PLBD1: variants seen among roughly 807,000 people sequenced by gnomAD.
PLBD1 encodes lysosomal leucine aminopeptidase.
Under a neutral mutation model 63.0 loss-of-function variants are expected in PLBD1, and 60 were observed. That is an observed-to-expected ratio of 0.95 (90% CI 0.77 to 1.18). The LOEUF (loss-of-function observed/expected upper bound fraction) is 1.18. Among genes scored for constraint, PLBD1 ranks in the 50% most tolerant of loss-of-function variants. The pLI is 0.00. For synonymous variants in PLBD1, 262 were observed against 248.0 expected, an observed-to-expected ratio of 1.06 and a Z score of -0.53; for missense variants, 598 against 677.9, an observed-to-expected ratio of 0.88 and a Z score of 1.31.
intron 9 of PLBD1, 111 bp downstream of exon 9, chr12:14,506,822 T>A (rs1945259597): frequency 3.2e-6 from 3 of 926,656 alleles, no homozygotes; most frequent in Non-Finnish European, 4.7e-6. Flanking sequence ...AATACTTAAA[T>A]AACTTCTTAT....
chr12:14,549,531 T>C (rs925267614), intron 2 of PLBD1, among the ~76,000 whole-genome samples: 1 of 152,116 alleles, frequency 6.6e-6, no homozygotes, highest in African/African-American at 2.4e-5. Context: ...TTAAGAAACC[T>C]CGGGCACTCT....
chr12:14,547,146 C>T (rs1945622117), intron 2 of PLBD1, among the ~76,000 whole-genome samples: 1 of 150,184 alleles, frequency 6.7e-6, no homozygotes, highest in African/African-American at 2.5e-5. Context: ...TCCCAAAGTG[C>T]TGGGATTACA....
intron 6 of PLBD1, 60 bp from the exon 7 acceptor site, chr12:14,511,771 T>C (rs1212600958): frequency 6.7e-7 from 1 of 1,494,202 alleles, no homozygotes; most frequent in Non-Finnish European, 9.3e-7. Flanking sequence ...GAACCATCAT[T>C]ATTGACAAAG....
chr12:14,564,996 T>C (rs1945769458), intron 1 of PLBD1, among the ~76,000 whole-genome samples: 1 of 152,212 alleles, frequency 6.6e-6, no homozygotes, highest in South Asian at 2.1e-4. Flanking sequence ...GAAAAAATTA[T>C]ATAAGGACCT....
chr12:14,553,161 G>A, intron 2 of PLBD1, 32 bp downstream of exon 2: 1 of 1,564,444 alleles, frequency 6.4e-7, no homozygotes, highest in Non-Finnish European at 8.7e-7. Flanking sequence ...GGGGTTGCCT[G>A]GCAGTGGCTC....
At chr12:14,538,164 C>A (rs537853850) in intron 4 of PLBD1, among the ~76,000 whole-genome samples, 8 of 151,034 alleles carry the variant, frequency 5.3e-5, no homozygotes, top group Non-Finnish European at 1.0e-4. Context: ...TAAAAATTGT[C>A]CTCACTCTTC....
At chr12:14,557,206 G>T (rs546355588) in intron 1 of PLBD1, among the ~76,000 whole-genome samples, 1 of 152,200 alleles carries the variant, frequency 6.6e-6, no homozygotes, top group South Asian at 2.1e-4. Context: ...AAAAAGGAAT[G>T]CTTATACACT....
chr12:14,523,609 T>A (rs1013614107), intron 6 of PLBD1, among the ~76,000 whole-genome samples: 8 of 152,160 alleles, frequency 5.3e-5, no homozygotes, highest in African/African-American at 1.9e-4. Context: ...CAAAACAGCA[T>A]AGTACTGGCA....
rs75740122 is a variant in PLBD1 at position 14,567,242 on chromosome 12, A to G, written c.115+340T>C. 3.4e-3 allele frequency among the ~76,000 whole-genome samples: 524 copies of G among 152,340 alleles called. 4 individuals are homozygous for G. Among genetic ancestry groups the G allele is most frequent in the Non-Finnish European group, 6.4e-3 (438 of 68,016 alleles). ...CAAGCCGGAACCATACCTCCCTACA[A>G]TCTGGATAAATATATTTAGATGCCC... On this transcript the variant is annotated intron_variant, in intron 1 of 10. Transcript: ENST00000240617.
chr12:14,542,530 A>T (rs1413702065), intron 2 of PLBD1, among the ~76,000 whole-genome samples: 1 of 152,138 alleles, frequency 6.6e-6, no homozygotes, highest in East Asian at 1.9e-4. Flanking sequence ...AAGTTATTAT[A>T]TTTTGCCATA....
In PLBD1 at chr12:14,567,646, CGGT is replaced by C. The variant is rs1331327130; in HGVS notation, c.48_50del (p.Pro17del). 1 of 1,495,676 alleles carries C rather than the reference CGGT, an allele frequency of 6.7e-7. No individual in the cohort carries two copies. The highest frequency in any genetic ancestry group is 1.5e-5 in the African/African-American group (1 of 68,910). 92.7% of individuals were successfully genotyped at this position (1,495,676 alleles called of 1,614,324 possible). A position where few individuals can be genotyped will look rare whatever the true frequency, so the allele number is the denominator to read the frequency against. ...GCAGCAGCAGCAGCAGCAGCAGAAG[CGGT>C]GGCGGCTGTGGCAGCCCCGGGCGCC... On this transcript the variant is annotated inframe_deletion, in exon 1 of 11. Coordinates refer to ENST00000240617, the MANE Select transcript of PLBD1 (RefSeq NM_024829.6).
chr12:14,507,733 C>A (rs964884731), intron 8 of PLBD1, among the ~76,000 whole-genome samples: 1 of 152,174 alleles, frequency 6.6e-6, no homozygotes, highest in Non-Finnish European at 1.5e-5. Flanking sequence ...TTTTAGGTTA[C>A]ATTAGGCTTT....
intron 1 of PLBD1, among the ~76,000 whole-genome samples, chr12:14,556,303 T>C (rs1168954037): frequency 6.6e-6 from 1 of 152,190 alleles, no homozygotes; most frequent in Non-Finnish European, 1.5e-5. Context: ...ATTAAGAGGC[T>C]AGAAAGTTTT....
chr12:14,540,950 C>G (rs2059125950), intron 3 of PLBD1, 48 bp from the exon 4 acceptor site: 1 of 1,514,698 alleles, frequency 6.6e-7, no homozygotes, highest in Non-Finnish European at 9.0e-7. Flanking sequence ...GTTGCTCATT[C>G]AAAGCTAAAT....
chr12:14,511,150 T>TGCC, intron 8 of PLBD1, 110 bp downstream of exon 8: 1 of 1,095,384 alleles, frequency 9.1e-7, no homozygotes, highest in Non-Finnish European at 1.3e-6. Flanking sequence ...CATCCTGTCT[T>TGCC]CCCCACCATA....
intron 6 of PLBD1, among the ~76,000 whole-genome samples, chr12:14,516,060 G>A (rs1317934199): frequency 6.7e-6 from 1 of 149,930 alleles, no homozygotes; most frequent in South Asian, 2.1e-4. Context: ...GCCGGGCACG[G>A]TGGCTCACGC....
At chr12:14,544,516 A>G (rs529899820) in intron 2 of PLBD1, among the ~76,000 whole-genome samples, 15 of 152,234 alleles carry the variant, frequency 9.9e-5, no homozygotes, top group African/African-American at 3.4e-4. Context: ...TACCTTGTCA[A>G]TTATTGCTTA....
chr12:14,507,944 T>C (rs1486876366), intron 8 of PLBD1, among the ~76,000 whole-genome samples: 1 of 152,202 alleles, frequency 6.6e-6, no homozygotes, highest in East Asian at 1.9e-4. Flanking sequence ...GTCTCCACCA[T>C]GCAGGGTTCT....
intron 1 of PLBD1, among the ~76,000 whole-genome samples, chr12:14,556,140 A>G (rs1592009981): frequency 6.6e-6 from 1 of 152,222 alleles, no homozygotes; most frequent in Non-Finnish European, 1.5e-5. Context: ...CAGGTCAGTC[A>G]TCAGAGAGGT....
Sources: gnomAD v4.1 joint callset for allele counts (sites outside exome capture counted in the v4.1 genomes callset) on GRCh38, gnomAD v4.1.1 for gene constraint, MANE v1.5 for transcripts, NCBI Gene and HGNC (gene_info 2026-07-23, HGNC 2026-07-21) for gene names.